The following CIMIP4 variants were observed in gnomAD, a reference collection of about 807,000 sequenced individuals.
The protein encoded by CIMIP4 is ciliary microtubule inner protein 4.
At chr22:37,002,182 G>T in the CIMIP4 span, 1 of 1,493,154 alleles carries the variant, frequency 6.7e-7, no homozygotes, top group South Asian at 1.4e-5. Flanking sequence ...GGGGCTGTGG[G>T]GATGACAGAC....
At chr22:37,005,552 A>AT in the CIMIP4 span, among the ~76,000 whole-genome samples, 2 of 100,636 alleles carry the variant, frequency 2.0e-5, no homozygotes, top group African/African-American at 9.8e-5. Context: ...CACCTTAAAC[A>AT]GTTTTTTTTT....
the CIMIP4 span, among the ~76,000 whole-genome samples, chr22:36,992,494 T>C: frequency 6.6e-6 from 1 of 151,972 alleles, no homozygotes; most frequent in African/African-American, 2.4e-5. Flanking sequence ...ATGAAACACA[T>C]AATAATTGAA....
At chr22:36,991,376 C>A in the CIMIP4 span, 1 of 1,554,000 alleles carries the variant, frequency 6.4e-7, no homozygotes. Flanking sequence ...CCAAGTCCAC[C>A]CCGGCTCTGT....
the CIMIP4 span, chr22:37,004,051 C>T: frequency 2.6e-4 from 391 of 1,532,652 alleles, 1 homozygote; most frequent in Non-Finnish European, 3.3e-4. Context: ...CACGTTTCAT[C>T]GTCTCAGATA....
At chr22:36,996,435 C>T in the CIMIP4 span, among the ~76,000 whole-genome samples, 553 of 148,972 alleles carry the variant, frequency 3.7e-3, 3 homozygotes, top group African/African-American at 0.013. Context: ...TTTTCAACAG[C>T]AGCAAAAAAA....
the CIMIP4 span, among the ~76,000 whole-genome samples, chr22:36,991,768 T>C: frequency 6.6e-6 from 1 of 152,110 alleles, no homozygotes. Context: ...TATTTATGGG[T>C]AGTATAGCCT....
At chr22:36,999,524 AGGGG>A in the CIMIP4 span, among the ~76,000 whole-genome samples, 1 of 19,276 alleles carries the variant, frequency 5.2e-5, no homozygotes, top group East Asian at 3.2e-3. Context: ...AGGGAAGGGG[AGGGG>A]AGGGGAGGGG....
the CIMIP4 span, among the ~76,000 whole-genome samples, chr22:36,999,027 G>T: frequency 8.5e-5 from 13 of 152,196 alleles, no homozygotes; most frequent in Non-Finnish European, 1.2e-4. Flanking sequence ...CCCAGCTAGT[G>T]AGTGGCTGAG....
At chr22:37,005,751 G>T in the CIMIP4 span, among the ~76,000 whole-genome samples, 94,275 of 151,998 alleles carry the variant, frequency 0.62, 30,235 homozygotes, top group African/African-American at 0.79. Flanking sequence ...AAGAAAAGAT[G>T]GTAGTTGCCT....
At chr22:37,006,146 C>T in the CIMIP4 span, among the ~76,000 whole-genome samples, 1 of 152,050 alleles carries the variant, frequency 6.6e-6, no homozygotes, top group South Asian at 2.1e-4. Flanking sequence ...TGGAGTGAAC[C>T]CCTGTAAGTT....
chr22:37,002,174 G>T, the CIMIP4 span: 1 of 1,500,418 alleles, frequency 6.7e-7, no homozygotes, highest in Non-Finnish European at 8.9e-7. Flanking sequence ...CAGGGGCAGG[G>T]GCTGTGGGGA....
the CIMIP4 span, among the ~76,000 whole-genome samples, chr22:36,992,240 A>C: frequency 2.0e-5 from 3 of 152,066 alleles, no homozygotes; most frequent in African/African-American, 7.2e-5. Flanking sequence ...CCAGCTACTC[A>C]GGAGGCTGAG....
At chr22:37,001,864 C>G in the CIMIP4 span, 3 of 1,603,668 alleles carry the variant, frequency 1.9e-6, no homozygotes, top group South Asian at 3.4e-5. Flanking sequence ...GCTGGTCCAC[C>G]ACATTGCTCC....
chr22:36,998,960 C>G, the CIMIP4 span, among the ~76,000 whole-genome samples: 18 of 152,284 alleles, frequency 1.2e-4, no homozygotes, highest in Admixed American at 7.2e-4. Flanking sequence ...ATCATCCCCA[C>G]TGTACCGAGA....
At chr22:36,996,656 G>T in the CIMIP4 span, among the ~76,000 whole-genome samples, 1 of 152,102 alleles carries the variant, frequency 6.6e-6, no homozygotes, top group Non-Finnish European at 1.5e-5. Flanking sequence ...ATCCCAACAG[G>T]GTTTTTCATG....
the CIMIP4 span, among the ~76,000 whole-genome samples, chr22:36,994,365 C>A: frequency 6.6e-6 from 1 of 152,172 alleles, no homozygotes; most frequent in African/African-American, 2.4e-5. Context: ...TGTCACCAGG[C>A]TGGAGTGCAG....
the CIMIP4 span, among the ~76,000 whole-genome samples, chr22:36,994,792 G>C: frequency 1.3e-5 from 2 of 151,880 alleles, no homozygotes; most frequent in Admixed American, 1.3e-4. Context: ...CACCGCGCCC[G>C]GCTAATTTTT....
At chr22:37,003,181 A>C in the CIMIP4 span, among the ~76,000 whole-genome samples, 1 of 152,250 alleles carries the variant, frequency 6.6e-6, no homozygotes, top group Non-Finnish European at 1.5e-5. Context: ...AGTTTATCTA[A>C]ATGTGGCCAT....
chr22:36,999,430 T>A, the CIMIP4 span, among the ~76,000 whole-genome samples: 92,326 of 142,062 alleles, frequency 0.65, 30,713 homozygotes, highest in African/African-American at 0.79. Flanking sequence ...TGTGAGGTGG[T>A]GATTTCAGTG....
Sources: gnomAD v4.1 joint callset for allele counts (sites outside exome capture counted in the v4.1 genomes callset) on GRCh38, gnomAD v4.1.1 for gene constraint, MANE v1.5 for transcripts, NCBI Gene and HGNC (gene_info 2026-07-23, HGNC 2026-07-21) for gene names.